Variants in CDCA7L observed in about 807,000 individuals in gnomAD.
The protein encoded by CDCA7L is cell division cycle-associated 7-like protein.
In CDCA7L, 44 loss-of-function variants were observed where a neutral mutation model predicts 57.4. The observed-to-expected ratio is 0.77, with a 90% CI of 0.60 to 0.98. The LOEUF is 0.98. Ranked by LOEUF, CDCA7L falls within the 50% of genes least tolerant of loss-of-function variation. The pLI is 0.00. For missense variants in CDCA7L, 644 were observed against 580.6 expected, an observed-to-expected ratio of 1.11 and a Z score of -1.12; for synonymous variants, 236 against 202.8, an observed-to-expected ratio of 1.16 and a Z score of -1.39.
chr7:21,935,005 C>G (rs1301295374), intron 1 of CDCA7L, among the ~76,000 whole-genome samples: 4 of 152,128 alleles, frequency 2.6e-5, no homozygotes, highest in Admixed American at 2.6e-4. Context: ...GTGAACAGAA[C>G]AAGACAGAGC....
intron 1 of CDCA7L, among the ~76,000 whole-genome samples, chr7:21,918,715 G>A (rs1785564902): frequency 6.6e-6 from 1 of 152,164 alleles, no homozygotes; most frequent in Admixed American, 6.5e-5. Context: ...TTTAGGAAGT[G>A]CTATGTTCTT....
rs142227347 is a variant in CDCA7L at position 21,908,313 on chromosome 7, C to G, written c.498G>C (p.Leu166Phe). The change falls in exon 4 of 10, where the codon TTG (leucine) becomes TTC (phenylalanine). Residue 166 changes from leucine to phenylalanine, a missense_variant. Coordinates refer to ENST00000406877, the MANE Select transcript of CDCA7L (RefSeq NM_018719.5). ...KPDKNSSSEQ[L>F]FSSARLQNEK... ...CATTCTGTAAGCGTGCGCTAGAAAA[C>G]AACTGCTCGGAAGAACTGTTTTTAT... 6.2e-7 allele frequency: 1 copy of G among 1,609,478 alleles called. No individual in the cohort carries two copies. Among genetic ancestry groups the G allele is most frequent in the African/African-American group, 1.3e-5 (1 of 74,310 alleles).
intron 1 of CDCA7L, among the ~76,000 whole-genome samples, chr7:21,932,223 T>G (rs567166048): frequency 5.3e-5 from 8 of 152,356 alleles, no homozygotes; most frequent in Admixed American, 6.5e-5. Context: ...ATGGCCATAC[T>G]GCCCAAAGTA....
At chr7:21,931,652 C>T (rs574493579) in intron 1 of CDCA7L, among the ~76,000 whole-genome samples, 1 of 152,306 alleles carries the variant, frequency 6.6e-6, no homozygotes, top group East Asian at 1.9e-4. Flanking sequence ...CTATTTATGA[C>T]AAACCCACAG....
At chr7:21,930,892 C>T (rs1246726228) in intron 1 of CDCA7L, among the ~76,000 whole-genome samples, 2 of 150,518 alleles carry the variant, frequency 1.3e-5, no homozygotes, top group African/African-American at 2.4e-5. Flanking sequence ...GCTAGCCAGA[C>T]AAAGAAGAAA....
chr7:21,906,759 A>G, intron 4 of CDCA7L, 120 bp from the exon 5 acceptor site: 2 of 848,226 alleles, frequency 2.4e-6, no homozygotes, highest in Non-Finnish European at 3.9e-6. Flanking sequence ...AATAGTTTAT[A>G]TAACCCACAA....
rs188010390 is a variant in CDCA7L, at chr7:21,933,828, G to A, written c.24+11953C>T. Among the ~76,000 whole-genome samples, 252 of 151,664 alleles carry A rather than the reference G, an allele frequency of 1.7e-3. 2 individuals carry two copies. Among genetic ancestry groups the A allele is most frequent in the Non-Finnish European group, 2.5e-3 (172 of 67,864 alleles). On this transcript the variant is annotated intron_variant, in intron 1 of 9. Transcript: ENST00000406877. ...AAAAGAAAAAAAAAGATTATCAGCC[G>A]TTTTATCACAGAAACCTTAAAGGTC...
rs140589051 is a variant in CDCA7L at position 21,942,588 on chromosome 7, A to T, written c.24+3193T>A. Among the ~76,000 whole-genome samples, 1,145 of 152,342 alleles carry T rather than the reference A, an allele frequency of 7.5e-3. 3 individuals carry two copies. The highest frequency in any genetic ancestry group is 0.015 in the Admixed American group (231 of 15,312). ...GCAGTTTAAATGTAATGCCTGGCTTATTCTATTCCAATGATGTTCTAATCT... is the reference window on the plus strand; with the variant it reads ...GCAGTTTAAATGTAATGCCTGGCTTTTTCTATTCCAATGATGTTCTAATCT... On this transcript the variant is annotated intron_variant, in intron 1 of 9. Transcript: ENST00000406877.
At position 21,906,476 on chromosome 7, in the gene CDCA7L, C is replaced by G. The variant is rs774317138; in HGVS notation, c.754-20G>C. 6.2e-7 allele frequency: 1 copy of G among 1,610,182 alleles called. No homozygotes were observed. Among genetic ancestry groups the G allele is most frequent in the Non-Finnish European group, 8.5e-7 (1 of 1,177,220 alleles). ...CTTCCTCTGAAATCAAGAGCACAGA[C>G]AGAGACAACTGGGGACTCTCTCGAA... On this transcript the variant is annotated intron_variant, in intron 5 of 9. Transcript: ENST00000406877.
chr7:21,926,628 T>G (rs950665455), intron 1 of CDCA7L, among the ~76,000 whole-genome samples: 6 of 152,146 alleles, frequency 3.9e-5, no homozygotes, highest in Non-Finnish European at 5.9e-5. Flanking sequence ...TCCAAGCATT[T>G]TGGAAGGCTG....
intron 1 of CDCA7L, among the ~76,000 whole-genome samples, chr7:21,924,634 AC>A (rs1432207788): frequency 1.3e-5 from 2 of 152,260 alleles, no homozygotes; most frequent in African/African-American, 4.8e-5. Context: ...TGAATATAAA[AC>A]TATAAAACTT....
chr7:21,945,710 G>C, intron 1 of CDCA7L, 71 bp downstream of exon 1: 1 of 1,578,624 alleles, frequency 6.3e-7, no homozygotes, highest in Non-Finnish European at 8.7e-7. Context: ...CCCAAGGCCA[G>C]CAGGACCGGG....
chr7:21,901,711 A>G lies in CDCA7L; in HGVS notation c.*611T>C, dbSNP rs1013995255. 1.3e-5 allele frequency: 2 copies of G among 156,338 alleles called. No individual in the cohort carries two copies. The highest frequency in any genetic ancestry group is 4.8e-5 in the African/African-American group (2 of 41,476). The allele number at this position is 156,338 out of a possible 1,614,324, so 9.7% of individuals were successfully genotyped here. A position where few individuals can be genotyped will look rare whatever the true frequency, so the allele number is the denominator to read the frequency against. ...AACTCTTTCAAAATATAAAAGCAGC[A>G]GGCCCCAGGTGAGTCCTGAAGGAAG... is the stretch of plus-strand genomic sequence containing the variant. On this transcript the variant is annotated 3_prime_UTR_variant, in exon 10 of 10. Coordinates refer to ENST00000406877, the MANE Select transcript of CDCA7L (RefSeq NM_018719.5).
In CDCA7L at chr7:21,902,000, A is replaced by C; in HGVS notation, c.*322T>G. The C allele has an allele frequency of 2.9e-6, 1 of 345,456 alleles. No homozygotes were observed. Among genetic ancestry groups the C allele is most frequent in the East Asian group, 5.6e-5 (1 of 17,862 alleles). The allele number at this position is 345,456 out of a possible 1,614,324, so 21.4% of individuals were successfully genotyped here. ...TAGATCAAGTGCAGGAGCTGATCAT[A>C]CAATGTTTTCTCTCTAACTTACTTA... On this transcript the variant is annotated 3_prime_UTR_variant, in exon 10 of 10. Transcript: ENST00000406877.
chr7:21,901,038 T>C lies in CDCA7L; in HGVS notation c.*1284A>G, dbSNP rs934018358. 10 of 1,611,010 alleles carry C rather than the reference T, an allele frequency of 6.2e-6. No individual in the cohort carries two copies. The highest frequency in any genetic ancestry group is 1.7e-5 in the Admixed American group (1 of 59,572). On this transcript the variant is annotated 3_prime_UTR_variant, in exon 10 of 10. Coordinates refer to ENST00000406877, the MANE Select transcript of CDCA7L (RefSeq NM_018719.5). ...GCTGGGACACCCAAGCAGGAACCAT[T>C]GTTGAAGCCCGTCTCAAGGAGCTGG...
At position 21,901,221 on chromosome 7, in the gene CDCA7L, T is replaced by C. The variant is rs1250649305; in HGVS notation, c.*1101A>G. The C allele has an allele frequency of 6.2e-6, 10 of 1,611,424 alleles. No homozygotes were observed. The highest frequency in any genetic ancestry group is 8.5e-6 in the Non-Finnish European group (10 of 1,178,792). ...GCGAAGAGAAGACTGCAAAATGGGT[T>C]CTGGCTGGAGTGGCTCTGCTTCTAG... On this transcript the variant is annotated 3_prime_UTR_variant, in exon 10 of 10. Coordinates refer to ENST00000406877, the MANE Select transcript of CDCA7L (RefSeq NM_018719.5).
chr7:21,910,759 AG>A (rs1250920847), intron 3 of CDCA7L, among the ~76,000 whole-genome samples: 1 of 152,202 alleles, frequency 6.6e-6, no homozygotes, highest in African/African-American at 2.4e-5. Context: ...GTCTGTTCAT[AG>A]GAAGTGCTGA....
chr7:21,905,705 T>G, intron 6 of CDCA7L, 74 bp from the exon 7 acceptor site: 1 of 1,486,498 alleles, frequency 6.7e-7, no homozygotes, highest in Non-Finnish European at 9.0e-7. Context: ...TTTTAAACTC[T>G]CAAAGATCTA....
At position 21,945,845 on chromosome 7, in the gene CDCA7L, A is replaced by C; in HGVS notation, c.-41T>G. 2.5e-6 allele frequency: 4 copies of C among 1,588,634 alleles called. No homozygotes were observed. The highest frequency in any genetic ancestry group is 3.4e-6 in the Non-Finnish European group (4 of 1,169,756). On this transcript the variant is annotated 5_prime_UTR_variant, in exon 1 of 10. Transcript: ENST00000406877. Reference sequence around the variant, plus strand: ...TCCAGTCTCCTCCCAGCACGCGGCCACGGGAGCCCGGACTCACCACGGCCC... The same window carrying C: ...TCCAGTCTCCTCCCAGCACGCGGCCCCGGGAGCCCGGACTCACCACGGCCC...
Sources: allele counts gnomAD v4.1 joint callset (sites outside exome capture counted in the v4.1 genomes callset), GRCh38; gene constraint gnomAD v4.1.1; transcripts MANE v1.5; gene names NCBI Gene and HGNC (gene_info 2026-07-23, HGNC 2026-07-21).